Variants in ARHGEF28 observed in about 807,000 individuals in gnomAD.
ARHGEF28 encodes 190 kDa guanine nucleotide exchange factor.
Under a neutral mutation model 206.6 loss-of-function variants are expected in ARHGEF28, and 152 were observed. The observed-to-expected ratio is 0.74, with a 90% CI of 0.64 to 0.84. The LOEUF (loss-of-function observed/expected upper bound fraction) is 0.84. Among genes scored for constraint, ARHGEF28 ranks in the 40% least tolerant of loss-of-function variants. The pLI is 0.00. For synonymous variants in ARHGEF28, 763 were observed against 776.4 expected (o/e 0.98, Z 0.29); for missense variants, 2,028 against 2,073.2 (o/e 0.98, Z 0.42).
intron 35 of ARHGEF28, among the ~76,000 whole-genome samples, chr5:73,924,275 G>T (rs1240187814): frequency 6.6e-6 from 1 of 152,204 alleles, no homozygotes; most frequent in Non-Finnish European, 1.5e-5. Flanking sequence ...GGCTGGCATA[G>T]TGATTAAGAT....
At chr5:73,832,912 C>T (rs76848143) in intron 10 of ARHGEF28, among the ~76,000 whole-genome samples, 4,210 of 152,228 alleles carry the variant, frequency 0.028, 199 homozygotes, top group African/African-American at 0.095. Context: ...ATCGATACAA[C>T]GCATCTATTA....
intron 13 of ARHGEF28, among the ~76,000 whole-genome samples, chr5:73,851,160 T>A (rs774855988): frequency 6.6e-6 from 1 of 152,226 alleles, no homozygotes; most frequent in Admixed American, 6.5e-5. Flanking sequence ...CTTGGATTAA[T>A]CAAAAGTAAA....
At chr5:73,805,818 G>C (rs1406678159) in intron 9 of ARHGEF28, among the ~76,000 whole-genome samples, 1 of 152,132 alleles carries the variant, frequency 6.6e-6, no homozygotes, top group East Asian at 1.9e-4. Flanking sequence ...GCAGTTAAGA[G>C]TGCCTAGAAG....
At position 73,791,633 on chromosome 5, in the gene ARHGEF28, CAT is replaced by C. The variant is rs575002532; in HGVS notation, c.911-2768_911-2767del. ...TCATTTGCAAAATAAGACAGTAAGA[CAT>C]GTGCATAGAGGTGAGTTTTTTAGGC... On this transcript the variant is annotated intron_variant, in intron 7 of 35. Transcript: ENST00000513042. 2.6e-3 allele frequency among the ~76,000 whole-genome samples: 364 copies of C among 139,586 alleles called. 2 individuals carry two copies. Among genetic ancestry groups the C allele is most frequent in the Middle Eastern group, 7.2e-3 (2 of 278 alleles). The allele number at this position is 139,586 out of a possible 152,430, so 91.6% of individuals were successfully genotyped here. A position where few individuals can be genotyped will look rare whatever the true frequency, so the allele number is the denominator to read the frequency against.
intron 21 of ARHGEF28, among the ~76,000 whole-genome samples, chr5:73,871,911 C>G (rs1242887932): frequency 6.6e-6 from 1 of 152,164 alleles, no homozygotes; most frequent in Admixed American, 6.5e-5. Context: ...AAGGTTCATC[C>G]TAGTTGTAAT....
chr5:73,719,562 C>T (rs532778072), intron 2 of ARHGEF28, among the ~76,000 whole-genome samples: 184 of 152,248 alleles, frequency 1.2e-3, no homozygotes, highest in African/African-American at 4.3e-3. Flanking sequence ...AGCAACAGTG[C>T]TAAAATGTTT....
chr5:73,855,024 G>A (rs1758930540), intron 14 of ARHGEF28, among the ~76,000 whole-genome samples: 1 of 152,130 alleles, frequency 6.6e-6, no homozygotes, highest in African/African-American at 2.4e-5. Flanking sequence ...TGTGAGTGAT[G>A]CTATCGGTCA....
intron 2 of ARHGEF28, among the ~76,000 whole-genome samples, chr5:73,725,465 A>G (rs1053967259): frequency 1.3e-5 from 2 of 152,102 alleles, no homozygotes; most frequent in African/African-American, 4.8e-5. Context: ...CCTTGGATAA[A>G]CTCAATACCT....
chr5:73,869,967 T>C, intron 20 of ARHGEF28, 102 bp from the exon 21 acceptor site: 2 of 1,372,842 alleles, frequency 1.5e-6, no homozygotes, highest in Non-Finnish European at 2.0e-6. Flanking sequence ...TCCATGTTCA[T>C]AGCAGATTTA....
At chr5:73,812,651 G>A (rs1167090938) in intron 9 of ARHGEF28, among the ~76,000 whole-genome samples, 1 of 152,102 alleles carries the variant, frequency 6.6e-6, no homozygotes, top group Admixed American at 6.6e-5. Flanking sequence ...TCTCCTGAAT[G>A]CTAATTACTG....
chr5:73,936,267 C>T (rs1188605422), intron 35 of ARHGEF28, among the ~76,000 whole-genome samples: 3 of 152,198 alleles, frequency 2.0e-5, no homozygotes, highest in Admixed American at 2.0e-4. Flanking sequence ...TGGACAATGT[C>T]TTCTGCTCAT....
At chr5:73,896,921 G>C (rs72772594) in intron 29 of ARHGEF28, among the ~76,000 whole-genome samples, 1 of 152,170 alleles carries the variant, frequency 6.6e-6, no homozygotes, top group Non-Finnish European at 1.5e-5. Context: ...TGCGTGAGCC[G>C]CAGTTGGATA....
At chr5:73,673,138 T>C (rs143135161) in intron 1 of ARHGEF28, among the ~76,000 whole-genome samples, 1 of 152,328 alleles carries the variant, frequency 6.6e-6, no homozygotes, top group Non-Finnish European at 1.5e-5. Flanking sequence ...TGTTCAATAA[T>C]AGGTTTATTT....
chr5:73,899,048 T>C (rs1762117293), intron 30 of ARHGEF28: 1 of 130,540 alleles, frequency 7.7e-6, no homozygotes. Context: ...TTTAATTCTA[T>C]ACTTCTTTTT....
intron 7 of ARHGEF28, among the ~76,000 whole-genome samples, chr5:73,791,562 T>A (rs1754482838): frequency 8.4e-6 from 1 of 118,794 alleles, no homozygotes; most frequent in Non-Finnish European, 1.9e-5. Context: ...ATCCTGTGTT[T>A]TTGGTTGTAA....
chr5:73,905,022 G>A (rs570100034), intron 33 of ARHGEF28: 1 of 152,528 alleles, frequency 6.6e-6, no homozygotes, highest in East Asian at 1.9e-4. Context: ...ATGGTTGGAT[G>A]ATCCCTTAGG....
chr5:73,830,074 A>G (rs776530824), intron 9 of ARHGEF28, among the ~76,000 whole-genome samples: 15 of 152,166 alleles, frequency 9.9e-5, no homozygotes, highest in Non-Finnish European at 2.2e-4. Flanking sequence ...GGGCAATGCT[A>G]TCATCAAGTG....
Position 73,909,394 on chromosome 5 carries a change from C to T in ARHGEF28, c.4162-18C>T, listed in dbSNP as rs768000653. The T allele has an allele frequency of 3.8e-6, 6 of 1,571,720 alleles. No homozygotes were observed. In the South Asian group the frequency reaches 4.6e-5, roughly 12 times the overall value. On this transcript the variant is annotated intron_variant, in intron 33 of 35. Transcript: ENST00000513042. The stretch of plus-strand genomic sequence containing the variant: ...GGAACCTTGTGTTCAGTGATTTTTC[C>T]TCTGTCTGCTCTGACAGGCCGCCTT...
chr5:73,838,815 C>T (rs1056812412), intron 10 of ARHGEF28, among the ~76,000 whole-genome samples: 16 of 152,156 alleles, frequency 1.1e-4, no homozygotes, highest in Admixed American at 2.0e-4. Context: ...AAATTATCAT[C>T]GATACAATGC....
Sources: gnomAD v4.1 joint callset for allele counts (sites outside exome capture counted in the v4.1 genomes callset) on GRCh38, gnomAD v4.1.1 for gene constraint, MANE v1.5 for transcripts, NCBI Gene and HGNC (gene_info 2026-07-23, HGNC 2026-07-21) for gene names.